TMEM232: variants seen among roughly 807,000 people sequenced by gnomAD.
TMEM232 encodes the protein transmembrane protein 232.
Under a neutral mutation model 78.8 loss-of-function variants are expected in TMEM232, and 80 were observed. The observed-to-expected ratio is 1.01, with a 90% confidence interval of 0.85 to 1.22. The LOEUF (loss-of-function observed/expected upper bound fraction) is 1.22. TMEM232 is among the 50% of genes most tolerant of loss of function. The pLI is 0.00. For missense variants in TMEM232, 881 were observed against 742.2 expected, an observed-to-expected ratio of 1.19 and a Z score of -2.17; for synonymous variants, 297 against 254.3, an observed-to-expected ratio of 1.17 and a Z score of -1.60.
At chr5:110,639,994 C>T (rs542737880) in intron 4 of TMEM232, among the ~76,000 whole-genome samples, 3 of 152,258 alleles carry the variant, frequency 2.0e-5, no homozygotes, top group African/African-American at 7.2e-5. Flanking sequence ...GGTTTTGAGA[C>T]CCCTGATTTA....
chr5:110,636,427 T>C (rs961475943), intron 5 of TMEM232, among the ~76,000 whole-genome samples: 3 of 151,952 alleles, frequency 2.0e-5, no homozygotes, highest in Admixed American at 6.6e-5. Flanking sequence ...TGCAAACACA[T>C]AGAAATAATA....
At chr5:110,469,295 G>A (rs1218623253) in intron 12 of TMEM232, among the ~76,000 whole-genome samples, 3 of 152,154 alleles carry the variant, frequency 2.0e-5, no homozygotes, top group African/African-American at 7.2e-5. Context: ...TCCCATCCCT[G>A]AGGCTTAGCA....
intron 1 of TMEM232, among the ~76,000 whole-genome samples, chr5:110,674,077 C>T (rs1033030390): frequency 6.6e-6 from 1 of 150,720 alleles, no homozygotes; most frequent in Non-Finnish European, 1.5e-5. Context: ...AAAATGTAAG[C>T]ATTTAATTTT....
intron 10 of TMEM232, among the ~76,000 whole-genome samples, chr5:110,601,498 T>C (rs1561363586): frequency 6.6e-6 from 1 of 152,160 alleles, no homozygotes; most frequent in Admixed American, 6.5e-5. Context: ...AGCATTCCTA[T>C]ACACCAATGA....
At chr5:110,464,994 T>C (rs1761922837) in intron 12 of TMEM232, among the ~76,000 whole-genome samples, 1 of 152,258 alleles carries the variant, frequency 6.6e-6, no homozygotes, top group South Asian at 2.1e-4. Context: ...AGCTAAGGAC[T>C]GGCTTCCTTA....
intron 12 of TMEM232, among the ~76,000 whole-genome samples, chr5:110,463,263 G>A (rs981336756): frequency 2.0e-5 from 3 of 152,100 alleles, no homozygotes; most frequent in East Asian, 1.9e-4. Context: ...AAAGAAAGAC[G>A]GTGACTCACT....
In TMEM232 at chr5:110,435,445, A is replaced by G. The variant is rs537380551; in HGVS notation, c.1704-10529T>C. Among the ~76,000 whole-genome samples the G allele has an allele frequency of 1.6e-3, 240 of 151,954 alleles. 1 individual carries two copies. The highest frequency in any genetic ancestry group is 4.7e-3 in the African/African-American group (197 of 41,530). On this transcript the variant is annotated intron_variant, in intron 12 of 13. Coordinates refer to ENST00000455884, the MANE Select transcript of TMEM232 (RefSeq NM_001039763.4). ...AATTACGTCATGGAAAATGGATTAT[A>G]CATCCCCTCAAGCATTCCTTGGATT...
intron 4 of TMEM232, among the ~76,000 whole-genome samples, chr5:110,388,459 G>A (rs1411405521): frequency 6.6e-6 from 1 of 152,134 alleles, no homozygotes; most frequent in Non-Finnish European, 1.5e-5. Context: ...CGATTTTACA[G>A]GCTGCTTTTT....
At chr5:110,715,036 G>A (rs898211347) in intron 1 of TMEM232, among the ~76,000 whole-genome samples, 1 of 152,076 alleles carries the variant, frequency 6.6e-6, no homozygotes, top group African/African-American at 2.4e-5. Context: ...ACACATATCT[G>A]TCTCTTAACA....
Position 110,734,588 on chromosome 5 carries a change from T to C in TMEM232, c.-13+315A>G, listed in dbSNP as rs1798982187. On this transcript the variant is annotated intron_variant, in intron 2 of 4. Transcript: ENST00000512886. ...AACATAAATGCTATAGCCTATCAAG[T>C]AGAAAAAGAATAAACTCGGCAATTA... 2.0e-5 allele frequency among the ~76,000 whole-genome samples: 3 copies of C among 152,162 alleles called. No individual in the cohort carries two copies. In the South Asian group the frequency reaches 6.2e-4, roughly 31 times the overall value.
chr5:110,671,221 ATGG>A (rs1242720138), intron 1 of TMEM232, among the ~76,000 whole-genome samples: 1 of 152,204 alleles, frequency 6.6e-6, no homozygotes, highest in Non-Finnish European at 1.5e-5. Context: ...ACCAGTTAGA[ATGG>A]TGATCATTAA....
intron 12 of TMEM232, among the ~76,000 whole-genome samples, chr5:110,430,837 A>ATTTT (rs1328445082): frequency 6.6e-6 from 1 of 151,826 alleles, no homozygotes; most frequent in African/African-American, 2.4e-5. Flanking sequence ...GCCAAAGATT[A>ATTTT]TTTTTAAAAA....
At chr5:110,408,513 A>C (rs1490295780) in intron 2 of TMEM232, among the ~76,000 whole-genome samples, 1 of 152,018 alleles carries the variant, frequency 6.6e-6, no homozygotes, top group Admixed American at 6.6e-5. Flanking sequence ...AATTGCTTGA[A>C]TCCAGGAGAA....
chr5:110,409,621 A>C (rs1755915234), intron 2 of TMEM232, among the ~76,000 whole-genome samples: 1 of 152,142 alleles, frequency 6.6e-6, no homozygotes, highest in African/African-American at 2.4e-5. Context: ...GCCTGATTTC[A>C]AGAAAGCCCT....
At chr5:110,417,958 AGTT>A (rs1423859752), downstream of TMEM232, 1 of 152,120 alleles carries the variant, frequency 6.6e-6, no homozygotes, top group Admixed American at 6.6e-5. Flanking sequence ...TCCCAGAACC[AGTT>A]GTATTGTGCC....
intron 12 of TMEM232, among the ~76,000 whole-genome samples, chr5:110,522,065 C>A (rs73222609): frequency 1.3e-5 from 2 of 152,116 alleles, no homozygotes; most frequent in African/African-American, 4.8e-5. Flanking sequence ...CACATGAATA[C>A]AAAATGCCAT....
intron 8 of TMEM232, among the ~76,000 whole-genome samples, chr5:110,611,880 A>G (rs377176211): frequency 5.0e-4 from 76 of 152,240 alleles, no homozygotes; most frequent in South Asian, 2.9e-3. Flanking sequence ...ACAGTTTCGA[A>G]GTGTAATTAA....
At chr5:110,591,201 C>A (rs185040598) in intron 10 of TMEM232, among the ~76,000 whole-genome samples, 1 of 152,156 alleles carries the variant, frequency 6.6e-6, no homozygotes, top group Non-Finnish European at 1.5e-5. Flanking sequence ...CTCACGCCTA[C>A]AATCTCAGTA....
rs1269180067 is a variant in TMEM232 at position 110,467,572 on chromosome 5, A to T, written c.1704-42656T>A. Reference sequence around the variant, plus strand: ...AAGCCATCATATCCAGAACTCATGAAATATTTCAAAAAGCTTTGCAAACAA... The same window carrying T: ...AAGCCATCATATCCAGAACTCATGATATATTTCAAAAAGCTTTGCAAACAA... On this transcript the variant is annotated intron_variant, in intron 12 of 13. Coordinates refer to ENST00000455884, the MANE Select transcript of TMEM232 (RefSeq NM_001039763.4). Among the ~76,000 whole-genome samples, 3 of 150,230 alleles carry T rather than the reference A, an allele frequency of 2.0e-5. No individual in the cohort carries two copies. The East Asian group carries it at 5.8e-4, about 29-fold the overall frequency.
Sources: allele counts gnomAD v4.1 joint callset (sites outside exome capture counted in the v4.1 genomes callset), GRCh38; gene constraint gnomAD v4.1.1; transcripts MANE v1.5; gene names NCBI Gene and HGNC (gene_info 2026-07-23, HGNC 2026-07-21).